The following RABGAP1L variants were observed in gnomAD, a reference collection of about 807,000 sequenced individuals.
The protein encoded by RABGAP1L is RAB GTPase activating protein 1 like.
In RABGAP1L, 63 loss-of-function variants were observed where a neutral mutation model predicts 137.7. That is an observed-to-expected ratio of 0.46 (90% confidence interval 0.37 to 0.56). RABGAP1L has a LOEUF of 0.56. Ranked by LOEUF, RABGAP1L falls within the 20% of genes least tolerant of loss-of-function variation. The probability of loss-of-function intolerance (pLI) is 0.00; values close to 1 mark genes in which losing one functional copy is unlikely to be tolerated. For missense variants in RABGAP1L, 1,095 were observed against 1,244.0 expected (o/e 0.88, Z 1.80); for synonymous variants, 431 against 433.7 (o/e 0.99, Z 0.08).
chr1:174,320,103 A>G (rs1384430530), intron 11 of RABGAP1L, among the ~76,000 whole-genome samples: 1 of 152,160 alleles, frequency 6.6e-6, no homozygotes, highest in African/African-American at 2.4e-5. Flanking sequence ...GGCATAAATT[A>G]TATACAACAG....
At chr1:174,707,112 C>T (rs560008396) in intron 17 of RABGAP1L, among the ~76,000 whole-genome samples, 1 of 152,292 alleles carries the variant, frequency 6.6e-6, no homozygotes, top group African/African-American at 2.4e-5. Flanking sequence ...ATACATTCAG[C>T]TTTAATGGAT....
At chr1:174,277,139 A>G (rs1156837934) in intron 9 of RABGAP1L, among the ~76,000 whole-genome samples, 5 of 152,148 alleles carry the variant, frequency 3.3e-5, no homozygotes, top group African/African-American at 1.2e-4. Flanking sequence ...TAAAGAGAGT[A>G]TTCACCATTT....
chr1:174,515,379 G>A (rs774434449), intron 13 of RABGAP1L, among the ~76,000 whole-genome samples: 1 of 152,150 alleles, frequency 6.6e-6, no homozygotes, highest in African/African-American at 2.4e-5. Flanking sequence ...GTGTCCCTGT[G>A]TTTGTGCATG....
chr1:174,285,674 A>T (rs539419530), intron 10 of RABGAP1L, among the ~76,000 whole-genome samples: 14 of 152,178 alleles, frequency 9.2e-5, no homozygotes, highest in African/African-American at 2.6e-4. Context: ...AGATGTGGTG[A>T]GAGTGGGCAC....
chr1:174,828,772 T>G (rs1346338921), intron 19 of RABGAP1L, among the ~76,000 whole-genome samples: 2 of 148,290 alleles, frequency 1.3e-5, no homozygotes, highest in Admixed American at 6.7e-5. Flanking sequence ...TCTGGAAACC[T>G]AGGCTGTTAT....
At chr1:174,877,371 A>C in intron 19 of RABGAP1L, 1 of 1,528,318 alleles carries the variant, frequency 6.5e-7, no homozygotes, top group Non-Finnish European at 8.8e-7. Context: ...GATTTTTGAC[A>C]CTCCACCCCC....
chr1:174,899,405 C>T (rs377111768), intron 19 of RABGAP1L, among the ~76,000 whole-genome samples: 7 of 152,120 alleles, frequency 4.6e-5, no homozygotes, highest in Admixed American at 6.6e-5. Flanking sequence ...GAAAACTGTT[C>T]AAAAGATTTT....
chr1:174,275,754 T>C, intron 8 of RABGAP1L, 79 bp from the exon 9 acceptor site: 1 of 1,013,784 alleles, frequency 9.9e-7, no homozygotes. Context: ...ATAATTTGTA[T>C]TGCTTAAAGT....
rs149162207 is a variant in RABGAP1L, at chr1:174,715,736, T to C, written c.2169+13480T>C. Among the ~76,000 whole-genome samples, 4 of 152,356 alleles carry C rather than the reference T, an allele frequency of 2.6e-5. No individual in the cohort carries two copies. The East Asian group carries it at 7.7e-4, about 29-fold the overall frequency. On this transcript the variant is annotated intron_variant, in intron 17 of 25. Transcript: ENST00000681986. ...AAGAAATCCTCATTACCTACTCTCA[T>C]TTTAAGACAGAAATAGTAATCAATT...
At chr1:174,502,668 GTA>G (rs1163014715) in intron 13 of RABGAP1L, among the ~76,000 whole-genome samples, 32 of 145,676 alleles carry the variant, frequency 2.2e-4, no homozygotes, top group African/African-American at 3.9e-4. Context: ...ATGTGTGTGT[GTA>G]TATATACATA....
intron 18 of RABGAP1L, among the ~76,000 whole-genome samples, chr1:174,778,762 T>C (rs1686731069): frequency 6.6e-6 from 1 of 151,970 alleles, no homozygotes; most frequent in South Asian, 2.1e-4. Context: ...GCCCGGCTAA[T>C]TTTTTGTATT....
At chr1:174,953,153 G>A (rs766360523) in intron 19 of RABGAP1L, among the ~76,000 whole-genome samples, 1 of 151,988 alleles carries the variant, frequency 6.6e-6, no homozygotes, top group Non-Finnish European at 1.5e-5. Context: ...TATGATTAGT[G>A]AGATGAACAT....
chr1:174,426,050 A>C (rs2149180191), intron 13 of RABGAP1L, among the ~76,000 whole-genome samples: 1 of 152,178 alleles, frequency 6.6e-6, no homozygotes, highest in East Asian at 1.9e-4. Flanking sequence ...TTTTACAATC[A>C]ATCATTGTTC....
intron 13 of RABGAP1L, among the ~76,000 whole-genome samples, chr1:174,450,176 G>A (rs1213320671): frequency 6.6e-6 from 1 of 151,976 alleles, no homozygotes; most frequent in Non-Finnish European, 1.5e-5. Flanking sequence ...TGCAGATGCA[G>A]GATACTCACC....
chr1:174,275,088 G>A (rs1047509973), intron 8 of RABGAP1L: 2 of 152,086 alleles, frequency 1.3e-5, no homozygotes, highest in East Asian at 3.8e-4. Context: ...CCTAGCTTTC[G>A]CCATAGGAGT....
intron 13 of RABGAP1L, among the ~76,000 whole-genome samples, chr1:174,553,237 T>G (rs1054612356): frequency 2.6e-5 from 4 of 152,228 alleles, no homozygotes; most frequent in African/African-American, 9.6e-5. Flanking sequence ...TTTAATTAGA[T>G]CCCATTTGTT....
chr1:174,719,009 C>A (rs1007122309), intron 17 of RABGAP1L, among the ~76,000 whole-genome samples: 1 of 151,584 alleles, frequency 6.6e-6, no homozygotes, highest in Non-Finnish European at 1.5e-5. Flanking sequence ...CTGGATATTT[C>A]TGTATTTTTA....
intron 5 of RABGAP1L, 64 bp downstream of exon 5, chr1:174,241,721 A>G: frequency 7.9e-7 from 1 of 1,270,920 alleles, no homozygotes; most frequent in East Asian, 2.4e-5. Flanking sequence ...TTTGAGCTCT[A>G]ATTTCACTGT....
chr1:174,358,513 G>C lies in RABGAP1L; in HGVS notation c.1466-12466G>C, dbSNP rs115928153. Among the ~76,000 whole-genome samples the C allele has an allele frequency of 7.2e-3, 1,097 of 152,248 alleles. 11 individuals are homozygous for C. Among genetic ancestry groups the C allele is most frequent in the African/African-American group, 0.025 (1,046 of 41,550 alleles). ...ATCTTGGCACAGACATCAGGAACTGGTTTGGCTTGATTGTAGAAAGGGAGG... is the reference window on the plus strand; with the variant it reads ...ATCTTGGCACAGACATCAGGAACTGCTTTGGCTTGATTGTAGAAAGGGAGG... On this transcript the variant is annotated intron_variant, in intron 11 of 25. Transcript: ENST00000681986.
Sources: gnomAD v4.1 joint callset for allele counts (sites outside exome capture counted in the v4.1 genomes callset) on GRCh38, gnomAD v4.1.1 for gene constraint, MANE v1.5 for transcripts, NCBI Gene and HGNC (gene_info 2026-07-23, HGNC 2026-07-21) for gene names.